Variants in CELF4 observed in about 807,000 individuals in gnomAD.
CELF4 encodes the protein CUG-BP- and ETR-3-like factor 4.
A neutral mutation model predicts 59.9 loss-of-function variants in CELF4; 18 were observed. The observed-to-expected ratio is 0.30, with a 90% confidence interval of 0.21 to 0.45. The LOEUF (loss-of-function observed/expected upper bound fraction) is 0.45. CELF4 is among the 20% of genes least tolerant of loss of function. The pLI is 1.00. For synonymous variants in CELF4, 261 were observed against 267.1 expected (o/e 0.98, Z 0.22); for missense variants, 456 against 689.0 (o/e 0.66, Z 3.79).
chr18:37,414,902 A>C (rs1334267041), intron 2 of CELF4, among the ~76,000 whole-genome samples: 2 of 152,080 alleles, frequency 1.3e-5, no homozygotes, highest in African/African-American at 4.8e-5. Flanking sequence ...CTACTCATCT[A>C]TCTATCCATC....
intron 2 of CELF4, among the ~76,000 whole-genome samples, chr18:37,380,906 A>C (rs940537692): frequency 2.0e-5 from 3 of 150,978 alleles, no homozygotes; most frequent in Non-Finnish European, 4.4e-5. Context: ...TCATCCATCC[A>C]TCCACCTATT....
chr18:37,250,961 T>C (rs1345142207), intron 12 of CELF4, among the ~76,000 whole-genome samples: 2 of 151,902 alleles, frequency 1.3e-5, no homozygotes, highest in Non-Finnish European at 1.5e-5. Context: ...AAAAGTGAGG[T>C]GTCATATGTA....
chr18:37,274,138 T>G, intron 6 of CELF4, 173 bp downstream of exon 6: 1 of 1,425,694 alleles, frequency 7.0e-7, no homozygotes, highest in Admixed American at 3.0e-5. Context: ...CCAGCCTTCT[T>G]TCAAACCCTT....
intron 2 of CELF4, among the ~76,000 whole-genome samples, chr18:37,405,898 C>T (rs946885459): frequency 1.2e-4 from 19 of 152,046 alleles, no homozygotes; most frequent in Non-Finnish European, 1.8e-4. Context: ...CCCCTCCAGC[C>T]GGGAGTGGAA....
intron 2 of CELF4, among the ~76,000 whole-genome samples, chr18:37,441,273 C>CTGTGTGTGTGTGTG (rs36008798): frequency 4.7e-4 from 67 of 143,422 alleles, no homozygotes; most frequent in African/African-American, 1.7e-3. Flanking sequence ...CTCAACAATG[C>CTGTGTGTGTGTGTG]TGTGTGTGTG....
chr18:37,485,647 GCC>G, intron 1 of CELF4, 40 bp from the exon 2 acceptor site: 1 of 1,299,912 alleles, frequency 7.7e-7, no homozygotes, highest in Non-Finnish European at 1.0e-6. Flanking sequence ...TCAGTGGGGC[GCC>G]CCCGGGCCCG....
chr18:37,273,677 C>T (rs946085276), intron 6 of CELF4: 19 of 987,946 alleles, frequency 1.9e-5, no homozygotes, highest in Middle Eastern at 1.0e-3. Flanking sequence ...GTGGCCAAGG[C>T]GGACAGTACT....
intron 2 of CELF4, among the ~76,000 whole-genome samples, chr18:37,432,945 C>T: frequency 6.6e-6 from 1 of 152,196 alleles, no homozygotes; most frequent in East Asian, 1.9e-4. Context: ...GCTTGCAGTA[C>T]CAGCAGGCTT....
intron 2 of CELF4, among the ~76,000 whole-genome samples, chr18:37,443,504 G>C (rs113039586): frequency 4.6e-5 from 7 of 152,132 alleles, no homozygotes; most frequent in Non-Finnish European, 4.4e-5. Context: ...TGCATGTGCC[G>C]AAGTGTTTTG....
intron 2 of CELF4, among the ~76,000 whole-genome samples, chr18:37,335,493 G>T (rs943215039): frequency 3.3e-5 from 5 of 151,962 alleles, no homozygotes; most frequent in African/African-American, 1.2e-4. Flanking sequence ...GTGTGTGTGT[G>T]TGTGTGTGTG....
chr18:37,559,089 C>T (rs540537478), intron 1 of CELF4, among the ~76,000 whole-genome samples: 10 of 152,100 alleles, frequency 6.6e-5, no homozygotes, highest in South Asian at 4.2e-4. Flanking sequence ...ACAAAAAGCA[C>T]ACCTTCACAC....
At chr18:37,533,758 C>T (rs2099971299) in intron 1 of CELF4, among the ~76,000 whole-genome samples, 1 of 152,194 alleles carries the variant, frequency 6.6e-6, no homozygotes, top group Admixed American at 6.5e-5. Flanking sequence ...CCTGCATGTC[C>T]CTCTCCTGGA....
intron 2 of CELF4, among the ~76,000 whole-genome samples, chr18:37,458,148 G>A (rs1222407735): frequency 1.3e-5 from 2 of 152,216 alleles, no homozygotes; most frequent in Non-Finnish European, 2.9e-5. Context: ...GGACGGCTAA[G>A]GTCATGAAGT....
In CELF4 at chr18:37,254,857, T is replaced by C. The variant is rs1194031411; in HGVS notation, c.1334-919A>G. 6.6e-6 allele frequency among the ~76,000 whole-genome samples: 1 copy of C among 152,168 alleles called. No individual in the cohort carries two copies. The highest frequency in any genetic ancestry group is 2.4e-5 in the African/African-American group (1 of 41,448). Reference sequence around the variant, plus strand: ...TCACCTTTGGGGAACTCTGAATGCATCTCTTCATACAGACAACATTTTACA... The same window carrying C: ...TCACCTTTGGGGAACTCTGAATGCACCTCTTCATACAGACAACATTTTACA... On this transcript the variant is annotated intron_variant, in intron 11 of 12. Transcript: ENST00000420428. The surrounding 1 kb of genome is among the most constrained non-coding windows in gnomAD (Gnocchi z 5.1).
intron 2 of CELF4, among the ~76,000 whole-genome samples, chr18:37,346,835 G>T (rs894389592): frequency 2.6e-5 from 4 of 152,136 alleles, no homozygotes; most frequent in Admixed American, 1.3e-4. Flanking sequence ...TCATGCTACC[G>T]CTGGGATGAG....
intron 3 of CELF4, among the ~76,000 whole-genome samples, chr18:37,306,711 G>T (rs1203379955): frequency 6.6e-6 from 1 of 152,154 alleles, no homozygotes; most frequent in Non-Finnish European, 1.5e-5. Flanking sequence ...GCATGCCGTG[G>T]TGAGCGGTGA....
chr18:37,351,759 C>T (rs376811377), intron 2 of CELF4, among the ~76,000 whole-genome samples: 59 of 151,962 alleles, frequency 3.9e-4, no homozygotes, highest in Non-Finnish European at 6.3e-4. Flanking sequence ...CACAGGTGCA[C>T]GCCACCACGC....
chr18:37,308,489 C>T (rs1255677592), intron 3 of CELF4, among the ~76,000 whole-genome samples: 1 of 152,152 alleles, frequency 6.6e-6, no homozygotes, highest in Admixed American at 6.5e-5. Flanking sequence ...TGTGCTGTCT[C>T]CTCTACTCAT....
At chr18:37,443,229 T>C (rs2099738143) in intron 2 of CELF4, among the ~76,000 whole-genome samples, 2 of 152,144 alleles carry the variant, frequency 1.3e-5, no homozygotes, top group African/African-American at 2.4e-5. Flanking sequence ...CTGAGACTTA[T>C]TTCTTCTCCT....
Sources: gnomAD v4.1 joint callset for allele counts (sites outside exome capture counted in the v4.1 genomes callset) on GRCh38, gnomAD v4.1.1 for gene constraint, Gnocchi (gnomAD v3.1) non-coding constraint, MANE v1.5 for transcripts, NCBI Gene and HGNC (gene_info 2026-07-23, HGNC 2026-07-21) for gene names.